The following FHIT variants were observed in gnomAD, a reference collection of about 807,000 sequenced individuals.
FHIT encodes bis(5'-adenosyl)-triphosphatase.
In FHIT, 19 loss-of-function variants were observed where a neutral mutation model predicts 17.9. The observed-to-expected ratio is 1.06, with a 90% confidence interval of 0.74 to 1.56. The LOEUF (loss-of-function observed/expected upper bound fraction) is 1.56. FHIT is among the 40% of genes most tolerant of loss of function. FHIT has a pLI of 0.00. For missense variants in FHIT, 248 were observed against 189.2 expected (o/e 1.31, Z -1.82); for synonymous variants, 81 against 69.7 (o/e 1.16, Z -0.81).
intron 5 of FHIT, among the ~76,000 whole-genome samples, chr3:60,051,275 A>G (rs1701866020): frequency 6.6e-6 from 1 of 151,492 alleles, no homozygotes; most frequent in Non-Finnish European, 1.5e-5. Flanking sequence ...AAGGAACTGC[A>G]GCCTAACCTA....
chr3:60,707,626 T>C (rs185722562), intron 4 of FHIT, among the ~76,000 whole-genome samples: 1,846 of 152,244 alleles, frequency 0.012, 15 homozygotes, highest in Non-Finnish European at 0.021. Context: ...GCAATTAGAG[T>C]CCAGCAGTCT....
chr3:60,496,617 T>G (rs2034310578), intron 5 of FHIT, among the ~76,000 whole-genome samples: 2 of 152,182 alleles, frequency 1.3e-5, no homozygotes, highest in African/African-American at 4.8e-5. Context: ...CCTTACAACA[T>G]GGTGATTCCA....
At chr3:60,389,162 T>C (rs1235818083) in intron 5 of FHIT, among the ~76,000 whole-genome samples, 1 of 152,214 alleles carries the variant, frequency 6.6e-6, no homozygotes, top group East Asian at 1.9e-4. Context: ...TCTGCACCAC[T>C]TGGGAGTGTC....
At chr3:59,929,822 C>T (rs1287457814) in intron 7 of FHIT, among the ~76,000 whole-genome samples, 1 of 151,068 alleles carries the variant, frequency 6.6e-6, no homozygotes, top group Admixed American at 6.6e-5. Flanking sequence ...CAATAACAAT[C>T]CTTTTCTTCA....
chr3:60,536,942 T>C lies in FHIT; in HGVS notation c.21A>G (p.Gln7=), dbSNP rs189534705. Residue 7 remains glutamine, a synonymous_variant, in exon 5 of 10, where the codon CAA becomes CAG. Coordinates refer to ENST00000492590, the MANE Select transcript of FHIT (RefSeq NM_002012.4). ...ACACTACAGAGGGCTTGATGAGATG[T>C]TGGCCAAATCTGAACGACATGTCCT... is the stretch of plus-strand genomic sequence containing the variant. The part of the protein sequence containing the change: MSFRFG[Q]HLIKPSVVFL... 2 of 1,612,730 alleles carry C rather than the reference T, an allele frequency of 1.2e-6. No individual in the cohort carries two copies. The highest frequency in any genetic ancestry group is 1.7e-6 in the Non-Finnish European group (2 of 1,179,350).
rs556321604 is a variant in FHIT at position 60,319,460 on chromosome 3, A to C, written c.103+217400T>G. 2.5e-3 allele frequency among the ~76,000 whole-genome samples: 376 copies of C among 152,226 alleles called. 2 individuals are homozygous for C. Among genetic ancestry groups the C allele is most frequent in the African/African-American group, 8.8e-3 (365 of 41,514 alleles). On this transcript the variant is annotated intron_variant, in intron 5 of 9. Coordinates refer to ENST00000492590, the MANE Select transcript of FHIT (RefSeq NM_002012.4). ...GTGATGTTTTTAAGGGAAAAAAAAA[A>C]AACAACGAACAGAGTAGATGATGGA...
intron 5 of FHIT, among the ~76,000 whole-genome samples, chr3:60,115,255 T>C (rs1034037043): frequency 1.3e-5 from 2 of 152,104 alleles, no homozygotes; most frequent in Non-Finnish European, 2.9e-5. Flanking sequence ...AGAATATGTA[T>C]TGAAAAAAGT....
At chr3:60,830,834 A>G (rs1039208631) in intron 3 of FHIT, among the ~76,000 whole-genome samples, 9 of 152,188 alleles carry the variant, frequency 5.9e-5, no homozygotes, top group African/African-American at 1.2e-4. Flanking sequence ...ACACACACAC[A>G]CAAAACAAAT....
intron 5 of FHIT, among the ~76,000 whole-genome samples, chr3:60,202,401 G>T (rs1333203872): frequency 6.6e-6 from 1 of 152,124 alleles, no homozygotes; most frequent in African/African-American, 2.4e-5. Context: ...AGTTCTCCTA[G>T]AGAGCTCCTA....
At chr3:60,124,009 T>TATATATATATATAGAG (rs1384962194) in intron 5 of FHIT, among the ~76,000 whole-genome samples, 1 of 12,158 alleles carries the variant, frequency 8.2e-5, no homozygotes, top group African/African-American at 3.1e-4. Flanking sequence ...TATATATATA[T>TATATATATATATAGAG]AGAGAGAGAG....
chr3:60,306,196 T>A (rs1337133985), intron 5 of FHIT, among the ~76,000 whole-genome samples: 1 of 152,142 alleles, frequency 6.6e-6, no homozygotes, highest in African/African-American at 2.4e-5. Flanking sequence ...CTTTTGACTT[T>A]GTCTGACTTT....
intron 5 of FHIT, among the ~76,000 whole-genome samples, chr3:60,116,866 G>T (rs865865390): frequency 2.1e-5 from 3 of 140,120 alleles, no homozygotes; most frequent in African/African-American, 7.9e-5. Context: ...AAATTAAGGG[G>T]AGTAACAAAA....
At chr3:61,240,800 C>T (rs1213275271) in intron 1 of FHIT, among the ~76,000 whole-genome samples, 1 of 152,138 alleles carries the variant, frequency 6.6e-6, no homozygotes, top group Non-Finnish European at 1.5e-5. Flanking sequence ...GGTTCTTGGC[C>T]CTGGCTACAA....
At chr3:60,413,752 G>C (rs1331576227) in intron 5 of FHIT, among the ~76,000 whole-genome samples, 1 of 152,028 alleles carries the variant, frequency 6.6e-6, no homozygotes, top group Non-Finnish European at 1.5e-5. Flanking sequence ...AGTTGTCCAT[G>C]TCAATAACAA....
chr3:60,702,524 A>G (rs151168402), intron 4 of FHIT, among the ~76,000 whole-genome samples: 6 of 151,762 alleles, frequency 4.0e-5, no homozygotes, highest in Admixed American at 3.9e-4. Flanking sequence ...TTCCAAAGTA[A>G]TTTTTTTCTA....
At chr3:61,062,648 G>T (rs551705888) in intron 2 of FHIT, among the ~76,000 whole-genome samples, 1 of 152,240 alleles carries the variant, frequency 6.6e-6, no homozygotes, top group African/African-American at 2.4e-5. Flanking sequence ...ACTGCTTTTG[G>T]ACAGTATAAA....
chr3:60,139,815 A>T (rs946102841), intron 5 of FHIT, among the ~76,000 whole-genome samples: 4 of 99,390 alleles, frequency 4.0e-5, no homozygotes, highest in Non-Finnish European at 7.3e-5. Flanking sequence ...AGTACCTTTC[A>T]TTATTAAAAA....
In FHIT at chr3:61,212,117, A is replaced by C. The variant is rs545631024; in HGVS notation, c.-212-11452T>G. On this transcript the variant is annotated intron_variant, in intron 1 of 9. Coordinates refer to ENST00000492590, the MANE Select transcript of FHIT (RefSeq NM_002012.4). Reference sequence around the variant, plus strand: ...CGCTTCTCCTCCTCCAAAGGAACGCAGTTCCTCACCAGCAACGGAATAAAG... The same window carrying C: ...CGCTTCTCCTCCTCCAAAGGAACGCCGTTCCTCACCAGCAACGGAATAAAG... 3.3e-5 allele frequency among the ~76,000 whole-genome samples: 5 copies of C among 152,384 alleles called. No individual in the cohort carries two copies. The South Asian group carries it at 1.0e-3, about 32-fold the overall frequency.
intron 8 of FHIT, among the ~76,000 whole-genome samples, chr3:59,902,920 C>T (rs1421259895): frequency 6.6e-6 from 1 of 152,128 alleles, no homozygotes; most frequent in Non-Finnish European, 1.5e-5. Context: ...TTGAAATTTG[C>T]TGAGAGAGTA....
Sources: allele counts gnomAD v4.1 joint callset (sites outside exome capture counted in the v4.1 genomes callset), GRCh38; gene constraint gnomAD v4.1.1; transcripts MANE v1.5; gene names NCBI Gene and HGNC (gene_info 2026-07-23, HGNC 2026-07-21).